Variants in FBXO21 observed in about 807,000 individuals in gnomAD.
FBXO21 encodes F-box only protein 21.
In FBXO21, 32 loss-of-function variants were observed where a neutral mutation model predicts 76.6. The observed-to-expected ratio is 0.42, with a 90% CI of 0.32 to 0.56. FBXO21 has a LOEUF of 0.56. FBXO21 is among the 20% of genes least tolerant of loss of function. The pLI, the probability that FBXO21 is intolerant of heterozygous loss-of-function variation, is 0.16. For synonymous variants in FBXO21, 328 were observed against 311.5 expected (o/e 1.05, Z -0.56); for missense variants, 586 against 797.3 (o/e 0.73, Z 3.19).
intron 3 of FBXO21, among the ~76,000 whole-genome samples, chr12:117,185,409 G>C (rs1312521870): frequency 6.6e-6 from 1 of 152,154 alleles, no homozygotes; most frequent in Non-Finnish European, 1.5e-5. Context: ...ATTTCGCAAA[G>C]ATTCCTTTTA....
At chr12:117,158,507 G>A (rs1315689712) in intron 9 of FBXO21, among the ~76,000 whole-genome samples, 2 of 152,086 alleles carry the variant, frequency 1.3e-5, no homozygotes, top group African/African-American at 2.4e-5. Context: ...TGCCACTCAC[G>A]AATTCAGAGG....
In FBXO21 at chr12:117,164,274, C is replaced by CTTTTTT. The variant is rs538169408; in HGVS notation, c.1326+1205_1326+1210dup. ...GGCTACAGATGACATCTTTTCTTTT[C>CTTTTTT]TTTTTTTTTTTTTTTTTTTTGAGAC... On this transcript the variant is annotated intron_variant, in intron 9 of 11. Coordinates refer to ENST00000622495, the MANE Select transcript of FBXO21 (RefSeq NM_015002.3). Among the ~76,000 whole-genome samples the CTTTTTT allele has an allele frequency of 8.4e-4, 107 of 126,822 alleles. 2 individuals carry two copies. Among genetic ancestry groups the CTTTTTT allele is most frequent in the East Asian group, 1.4e-3 (6 of 4,220 alleles). The allele number at this position is 126,822 out of a possible 152,430, so 83.2% of individuals were successfully genotyped here.
In FBXO21 at chr12:117,145,782, G is replaced by A. The variant is rs1955762627; in HGVS notation, c.*305C>T. 9.0e-6 allele frequency: 2 copies of A among 222,024 alleles called. No homozygotes were observed. The highest frequency in any genetic ancestry group is 5.4e-5 in the Admixed American group (1 of 18,518). The allele number at this position is 222,024 out of a possible 1,614,324, so 13.8% of individuals were successfully genotyped here. ...GAATACAAAGAATGATTACAGGAGC[G>A]TCGACTGTGAGACCTCATGAAGACA... On this transcript the variant is annotated 3_prime_UTR_variant, in exon 12 of 12. Coordinates refer to ENST00000622495, the MANE Select transcript of FBXO21 (RefSeq NM_015002.3).
intron 2 of FBXO21, among the ~76,000 whole-genome samples, chr12:117,187,359 G>A (rs1185990028): frequency 2.7e-5 from 4 of 147,490 alleles, no homozygotes; most frequent in Non-Finnish European, 4.4e-5. Flanking sequence ...GGCAGAGGTT[G>A]CGGTAAGCTG....
chr12:117,184,466 T>C (rs575852617), intron 3 of FBXO21, among the ~76,000 whole-genome samples: 1 of 152,260 alleles, frequency 6.6e-6, no homozygotes, highest in South Asian at 2.1e-4. Context: ...ATAGGAAAAT[T>C]ATGTAGGCTA....
At chr12:117,190,121 GCGCGGGGCGGC>G (rs1956329590) in intron 1 of FBXO21, 86 bp downstream of exon 1, 10 of 596,032 alleles carry the variant, frequency 1.7e-5, no homozygotes, top group Non-Finnish European at 1.9e-5. Flanking sequence ...TGGGGTCCGC[GCGCGGGGCGGC>G]CGCGGGGAGC....
At chr12:117,174,930 G>C in intron 4 of FBXO21, 133 bp from the exon 5 acceptor site, 2 of 737,138 alleles carry the variant, frequency 2.7e-6, no homozygotes, top group East Asian at 5.7e-5. Flanking sequence ...TTTTGGCCAT[G>C]GACCTTGCTG....
At chr12:117,163,374 A>C (rs1956008045) in intron 9 of FBXO21, among the ~76,000 whole-genome samples, 1 of 151,682 alleles carries the variant, frequency 6.6e-6, no homozygotes, top group Admixed American at 6.6e-5. Context: ...TTCTACTAAA[A>C]ATATAAAAAT....
intron 2 of FBXO21, among the ~76,000 whole-genome samples, chr12:117,188,487 GTGAGCTGAGAT>G (rs1956308590): frequency 6.6e-6 from 1 of 152,114 alleles, no homozygotes; most frequent in Non-Finnish European, 1.5e-5. Context: ...GGAGGTTGCA[GTGAGCTGAGAT>G]TGCGCCACTG....
chr12:117,169,535 C>T (rs1206304357), intron 7 of FBXO21, among the ~76,000 whole-genome samples: 5 of 151,606 alleles, frequency 3.3e-5, no homozygotes, highest in Non-Finnish European at 1.5e-5. Context: ...AAAACCTTAT[C>T]ATATGAGTAG....
intron 10 of FBXO21, among the ~76,000 whole-genome samples, chr12:117,156,517 G>C (rs1017764563): frequency 6.6e-6 from 1 of 152,162 alleles, no homozygotes; most frequent in Admixed American, 6.5e-5. Flanking sequence ...AATATGAAAA[G>C]ACAGAGAAGG....
At chr12:117,181,807 G>T (rs1956237408) in intron 3 of FBXO21, among the ~76,000 whole-genome samples, 2 of 152,074 alleles carry the variant, frequency 1.3e-5, no homozygotes, top group Admixed American at 1.3e-4. Flanking sequence ...CTGCCACCAT[G>T]CCCGGCTAAT....
chr12:117,183,600 A>G (rs539621580), intron 3 of FBXO21, among the ~76,000 whole-genome samples: 1 of 152,312 alleles, frequency 6.6e-6, no homozygotes, highest in Admixed American at 6.5e-5. Context: ...GTTTTCCGTG[A>G]TTGTTAGATG....
At chr12:117,181,623 A>AG (rs1566007936) in intron 3 of FBXO21, among the ~76,000 whole-genome samples, 3 of 151,702 alleles carry the variant, frequency 2.0e-5, no homozygotes, top group African/African-American at 7.3e-5. Context: ...CTATCTATCT[A>AG]TCTATCTATC....
chr12:117,174,149 A>G, intron 6 of FBXO21, 56 bp downstream of exon 6: 1 of 1,452,780 alleles, frequency 6.9e-7, no homozygotes, highest in African/African-American at 1.4e-5. Flanking sequence ...AAAACAGAAA[A>G]AAAAAGTTAC....
rs1955741767 is a variant in FBXO21, at chr12:117,144,039, T to C, written c.*2048A>G. On this transcript the variant is annotated 3_prime_UTR_variant, in exon 12 of 12. Transcript: ENST00000622495. ...CCCAAATACCAACTTACACAGGTGA[T>C]ACAGGCTTCCTGGAGCCCCATGAAG... 6.6e-6 allele frequency: 1 copy of C among 152,610 alleles called. No individual in the cohort carries two copies. The highest frequency in any genetic ancestry group is 1.5e-5 in the Non-Finnish European group (1 of 68,030). 9.5% of individuals were successfully genotyped at this position (152,610 alleles called of 1,614,324 possible). A position where few individuals can be genotyped will look rare whatever the true frequency, so the allele number is the denominator to read the frequency against.
intron 8 of FBXO21, 142 bp downstream of exon 8, chr12:117,166,756 T>C: frequency 1.6e-6 from 1 of 624,306 alleles, no homozygotes; most frequent in South Asian, 2.4e-5. Context: ...TACTGAAGAA[T>C]GTTTCCAGTA....
chr12:117,155,650 G>C, intron 11 of FBXO21, 141 bp downstream of exon 11: 2 of 929,450 alleles, frequency 2.2e-6, no homozygotes. Context: ...CTGACTGTGG[G>C]CCCGAAGGAG....
chr12:117,147,298 A>AG (rs1955784638), intron 11 of FBXO21, among the ~76,000 whole-genome samples: 2 of 120,686 alleles, frequency 1.7e-5, no homozygotes, highest in Admixed American at 1.0e-4. Flanking sequence ...TGGAAAAAAA[A>AG]AAAAAAAAAG....
Sources: gnomAD v4.1 joint callset for allele counts (sites outside exome capture counted in the v4.1 genomes callset) on GRCh38, gnomAD v4.1.1 for gene constraint, MANE v1.5 for transcripts, NCBI Gene and HGNC (gene_info 2026-07-23, HGNC 2026-07-21) for gene names.